The following TCF20 variants were observed in gnomAD, a reference collection of about 807,000 sequenced individuals.
TCF20 encodes the protein SPRE-binding protein.
TCF20 carries 3 observed loss-of-function variants against 148.6 expected under a neutral mutation model. The observed-to-expected ratio is 0.02, with a 90% CI of 0.01 to 0.05. The LOEUF (loss-of-function observed/expected upper bound fraction) is 0.05, where lower values mean the gene tolerates loss of function less well. Among genes scored for constraint, TCF20 ranks in the 10% least tolerant of loss-of-function variants. The pLI, the probability that TCF20 is intolerant of heterozygous loss-of-function variation, is 1.00. For missense variants in TCF20, 2,350 were observed against 2,429.3 expected (o/e 0.97, Z 0.69); for synonymous variants, 1,049 against 909.5 (o/e 1.15, Z -2.76).
intron 2 of TCF20, among the ~76,000 whole-genome samples, chr22:42,190,522 C>T (rs1331327141): frequency 6.6e-6 from 1 of 152,120 alleles, no homozygotes; most frequent in Non-Finnish European, 1.5e-5. Flanking sequence ...GATCCCTAGT[C>T]ATTTTGTTAC....
In TCF20 at chr22:42,304,945, G is replaced by A. The variant is rs1331490978; in HGVS notation, c.-37+38534C>T. 3.3e-5 allele frequency among the ~76,000 whole-genome samples: 5 copies of A among 152,180 alleles called. No homozygotes were observed. In the South Asian group the frequency reaches 6.2e-4, roughly 19 times the overall value. On this transcript the variant is annotated intron_variant, in intron 1 of 1. Transcript: ENST00000515426. ...GGCCCCAGTTTCTACCAGGGGCCCC[G>A]TACTCTTGGGGGTTTGTCTCTACAG...
chr22:42,283,473 C>T (rs1475737349), intron 1 of TCF20, among the ~76,000 whole-genome samples: 1 of 152,160 alleles, frequency 6.6e-6, no homozygotes, highest in African/African-American at 2.4e-5. Flanking sequence ...CCCTGCCCTT[C>T]ACGCCCCTGC....
Position 42,160,251 on chromosome 22 carries a change from T to A in TCF20, c.*1152A>T, listed in dbSNP as rs1935339013. 6.6e-6 allele frequency: 1 copy of A among 152,578 alleles called. No homozygotes were observed. The highest frequency in any genetic ancestry group is 2.1e-4 in the South Asian group (1 of 4,820). The allele number at this position is 152,578 out of a possible 1,614,324, so 9.5% of individuals were successfully genotyped here. ...AAACAAAACAACACAACATAAAGAA[T>A]CACGTAGCATGGGGCTGCCTATCTG... On this transcript the variant is annotated 3_prime_UTR_variant, in exon 6 of 6. Transcript: ENST00000677622.
intron 1 of TCF20, among the ~76,000 whole-genome samples, chr22:42,324,040 ATGGTGG>A (rs150536662): frequency 5.8e-4 from 2 of 3,432 alleles, no homozygotes. Flanking sequence ...GATGGAGGTT[ATGGTGG>A]TGGTGGTGGT....
chr22:42,213,553 C>T lies in TCF20; in HGVS notation c.1753G>A (p.Gly585Ser). The change falls in exon 2 of 6, where the codon GGC (glycine) becomes AGC (serine). Residue 585 changes from glycine to serine, a missense_variant. Coordinates refer to ENST00000677622, the MANE Select transcript of TCF20 (RefSeq NM_001378418.1). ...GATGACAATGGCATGTCCTTAGCGC[C>T]TGGTGAGGTGGCCTCTTCTCTTGCG... ...PAAREEATSP[G>S]AKDMPLSSDG... 1 of 1,614,206 alleles carries T rather than the reference C, an allele frequency of 6.2e-7. No homozygotes were observed. The highest frequency in any genetic ancestry group is 8.5e-7 in the Non-Finnish European group (1 of 1,180,030).
In TCF20 at chr22:42,219,355, C is replaced by CAAA. The variant is rs528664836; in HGVS notation, c.-36-4017_-36-4015dup. On this transcript the variant is annotated intron_variant, in intron 1 of 5. Transcript: ENST00000677622. ...ACCCTGGGTGACAGTAACCCTGTCT[C>CAAA]AAAAAAAAAAAAAAAAAAAAAAAAA... Among the ~76,000 whole-genome samples the CAAA allele has an allele frequency of 5.3e-3, 229 of 43,544 alleles. 23 individuals are homozygous for CAAA. The highest frequency in any genetic ancestry group is 0.015 in the African/African-American group (157 of 10,160). The allele number at this position is 43,544 out of a possible 152,430, so 28.6% of individuals were successfully genotyped here. A position where few individuals can be genotyped will look rare whatever the true frequency, so the allele number is the denominator to read the frequency against.
At chr22:42,163,109 G>A (rs543885490) in intron 5 of TCF20, among the ~76,000 whole-genome samples, 34 of 152,344 alleles carry the variant, frequency 2.2e-4, no homozygotes, top group African/African-American at 8.2e-4. Context: ...GGACAGGGCA[G>A]GGTTTGCCCT....
chr22:42,241,149 C>T (rs969865705), intron 1 of TCF20, among the ~76,000 whole-genome samples: 1 of 152,216 alleles, frequency 6.6e-6, no homozygotes, highest in Admixed American at 6.5e-5. Context: ...TTAGCCAGCG[C>T]GCCTGGGCTT....
intron 1 of TCF20, among the ~76,000 whole-genome samples, chr22:42,283,296 G>T (rs1030566812): frequency 1.8e-4 from 27 of 152,200 alleles, no homozygotes; most frequent in East Asian, 5.8e-4. Flanking sequence ...AATAGTGGAG[G>T]GGGGGAGAGG....
chr22:42,218,394 C>T (rs1019546853), intron 1 of TCF20, among the ~76,000 whole-genome samples: 1 of 152,140 alleles, frequency 6.6e-6, no homozygotes, highest in Admixed American at 6.6e-5. Context: ...GCTCTTCACC[C>T]GCTCCCCATC....
intron 1 of TCF20, among the ~76,000 whole-genome samples, chr22:42,237,180 C>T (rs1490295556): frequency 1.3e-5 from 2 of 152,156 alleles, no homozygotes; most frequent in East Asian, 1.9e-4. Context: ...GCAGTCAGTT[C>T]TCTTCAACCC....
chr22:42,219,141 T>C (rs1922092645), intron 1 of TCF20, among the ~76,000 whole-genome samples: 1 of 151,654 alleles, frequency 6.6e-6, no homozygotes, highest in Non-Finnish European at 1.5e-5. Flanking sequence ...CCCAGTGTTT[T>C]GGGAGGCTGA....
At chr22:42,269,209 C>T (rs1202752865) in intron 1 of TCF20, among the ~76,000 whole-genome samples, 2 of 152,190 alleles carry the variant, frequency 1.3e-5, no homozygotes, top group South Asian at 4.1e-4. Context: ...ACATAAGGGT[C>T]CAATTATCAT....
In TCF20 at chr22:42,214,645, C is replaced by T. The variant is rs978397671; in HGVS notation, c.661G>A (p.Ala221Thr). ...MQRPSTLPSS[A>T]AGYQLRVGQF... ...CCCACTCTTAACTGGTAACCAGCAG[C>T]AGAGGATGGCAGAGTTGAGGGCCGC... is the stretch of plus-strand genomic sequence containing the variant. Residue 221 changes from alanine (A) to threonine (T), a missense_variant, in exon 2 of 6, where the codon GCT (alanine) becomes ACT (threonine). Ala to Thr is a moderately conservative substitution (Grantham distance 58). Around this residue, in one of 7 missense-constraint regions of TCF20, gnomAD observed 1,641 missense variants for 1,662.6 expected, o/e 0.99. Coordinates refer to ENST00000677622, the MANE Select transcript of TCF20 (RefSeq NM_001378418.1). 2.5e-6 allele frequency: 4 copies of T among 1,614,040 alleles called. No individual in the cohort carries two copies. The African/African-American group carries it at 5.3e-5, about 22-fold the overall frequency.
At chr22:42,167,459 A>G (rs906974574) in intron 5 of TCF20, among the ~76,000 whole-genome samples, 1 of 152,174 alleles carries the variant, frequency 6.6e-6, no homozygotes, top group African/African-American at 2.4e-5. Context: ...CCCTCAATGA[A>G]TATTTCTGAG....
At chr22:42,233,808 A>G (rs2147285643) in intron 1 of TCF20, among the ~76,000 whole-genome samples, 1 of 152,286 alleles carries the variant, frequency 6.6e-6, no homozygotes, top group South Asian at 2.1e-4. Context: ...TCTGCTCTGA[A>G]CCTCACCTCT....
chr22:42,224,421 C>T (rs912332977), intron 1 of TCF20, among the ~76,000 whole-genome samples: 12 of 150,258 alleles, frequency 8.0e-5, no homozygotes, highest in Admixed American at 2.7e-4. Flanking sequence ...GCAGTGAGAT[C>T]GCACCACTGC....
intron 2 of TCF20, among the ~76,000 whole-genome samples, chr22:42,188,293 CA>C (rs58945649): frequency 1.3e-3 from 65 of 49,448 alleles, no homozygotes; most frequent in African/African-American, 3.4e-3. Flanking sequence ...AACTCCGTCT[CA>C]AAAAAAAAAA....
At chr22:42,308,491 C>T (rs1238633690) in intron 1 of TCF20, among the ~76,000 whole-genome samples, 2 of 152,100 alleles carry the variant, frequency 1.3e-5, no homozygotes, top group South Asian at 2.1e-4. Flanking sequence ...TACAAATGAA[C>T]AGAGTCTCAA....
Sources: allele counts gnomAD v4.1 joint callset (sites outside exome capture counted in the v4.1 genomes callset), GRCh38; gene constraint gnomAD v4.1.1; regional missense constraint gnomAD v4.1.1; transcripts MANE v1.5; gene names NCBI Gene and HGNC (gene_info 2026-07-23, HGNC 2026-07-21).